The following NKAIN3 variants were observed in gnomAD, a reference collection of about 807,000 sequenced individuals.
NKAIN3 encodes the protein sodium/potassium-transporting ATPase subunit beta-1-interacting protein 3.
Under a neutral mutation model 30.2 loss-of-function variants are expected in NKAIN3, and 25 were observed. That is an observed-to-expected ratio of 0.83 (90% CI 0.60 to 1.16). The LOEUF (loss-of-function observed/expected upper bound fraction) is 1.16. NKAIN3 is among the 50% of genes most tolerant of loss of function. The pLI is 0.00. For synonymous variants in NKAIN3, 91 were observed against 89.6 expected, an observed-to-expected ratio of 1.02 and a Z score of -0.09; for missense variants, 225 against 254.1, an observed-to-expected ratio of 0.89 and a Z score of 0.78.
At chr8:62,948,220 CAG>C (rs1223083932) in intron 5 of NKAIN3, among the ~76,000 whole-genome samples, 2 of 150,344 alleles carry the variant, frequency 1.3e-5, no homozygotes, top group African/African-American at 2.5e-5. Flanking sequence ...TTTTTTGAGA[CAG>C]AGTCTCTCAC....
chr8:62,626,865 T>A (rs1371851072), intron 3 of NKAIN3, among the ~76,000 whole-genome samples: 1 of 152,116 alleles, frequency 6.6e-6, no homozygotes, highest in Admixed American at 6.6e-5. Flanking sequence ...CACTGTTGCC[T>A]CTATGTTGCC....
At chr8:62,763,267 A>G (rs35299217) in intron 4 of NKAIN3, among the ~76,000 whole-genome samples, 5 of 143,196 alleles carry the variant, frequency 3.5e-5, no homozygotes, top group African/African-American at 1.0e-4. Flanking sequence ...AAAAACTTAT[A>G]TAGTCAGCCT....
intron 2 of NKAIN3, among the ~76,000 whole-genome samples, chr8:62,586,237 C>A (rs1810468732): frequency 6.6e-6 from 1 of 152,112 alleles, no homozygotes; most frequent in African/African-American, 2.4e-5. Context: ...AGTCACTGCT[C>A]AACATGAAAT....
rs1393362905 is a variant in NKAIN3, at chr8:62,974,237, C to G, written c.*8830C>G. Among the ~76,000 whole-genome samples, 1 of 152,098 alleles carries G rather than the reference C, an allele frequency of 6.6e-6. No homozygotes were observed. The highest frequency in any genetic ancestry group is 1.5e-5 in the Non-Finnish European group (1 of 68,004). On this transcript the variant is annotated 3_prime_UTR_variant, in exon 7 of 7. Transcript: ENST00000623646. Reference sequence around the variant, plus strand: ...TAGTTTGATGGGAATAGCATTGAATCTATAAATTACTTTGGGCAGTATGGC... The same window carrying G: ...TAGTTTGATGGGAATAGCATTGAATGTATAAATTACTTTGGGCAGTATGGC...
chr8:62,950,412 C>T (rs1048646612), intron 5 of NKAIN3, among the ~76,000 whole-genome samples: 3 of 152,138 alleles, frequency 2.0e-5, no homozygotes, highest in Non-Finnish European at 4.4e-5. Context: ...TGCTCTATCC[C>T]ATCCATGAAG....
intron 1 of NKAIN3, among the ~76,000 whole-genome samples, chr8:62,357,319 T>C (rs1380995146): frequency 3.3e-5 from 5 of 151,690 alleles, no homozygotes; most frequent in African/African-American, 1.2e-4. Context: ...CTTGGCAGGC[T>C]GAGGCAGGAG....
intron 1 of NKAIN3, among the ~76,000 whole-genome samples, chr8:62,306,574 GTGT>G (rs749978621): frequency 8.2e-5 from 11 of 134,380 alleles, no homozygotes; most frequent in African/African-American, 2.4e-4. Flanking sequence ...GTGTGTGTGT[GTGT>G]TGTGTGTGTG....
chr8:62,525,667 C>T (rs1345406137), intron 1 of NKAIN3, among the ~76,000 whole-genome samples: 2 of 152,048 alleles, frequency 1.3e-5, no homozygotes, highest in Non-Finnish European at 2.9e-5. Flanking sequence ...ATGGTTGCAC[C>T]CTTGGTTAAT....
At chr8:62,742,173 T>C (rs559395462) in intron 3 of NKAIN3, among the ~76,000 whole-genome samples, 1 of 152,106 alleles carries the variant, frequency 6.6e-6, no homozygotes, top group East Asian at 1.9e-4. Flanking sequence ...AAAAGACTAA[T>C]TCTTAAATAG....
At chr8:62,625,767 C>T (rs1373514355) in intron 3 of NKAIN3, among the ~76,000 whole-genome samples, 3 of 151,960 alleles carry the variant, frequency 2.0e-5, no homozygotes, top group African/African-American at 7.2e-5. Context: ...TGGAAATTGC[C>T]ATTTTCTCTT....
intron 1 of NKAIN3, among the ~76,000 whole-genome samples, chr8:62,378,168 C>T (rs571018317): frequency 6.6e-6 from 1 of 152,288 alleles, no homozygotes; most frequent in African/African-American, 2.4e-5. Flanking sequence ...GTAAAGGTCA[C>T]TCTTGCTATG....
At chr8:62,374,662 T>C (rs1401994280) in intron 1 of NKAIN3, among the ~76,000 whole-genome samples, 1 of 152,158 alleles carries the variant, frequency 6.6e-6, no homozygotes, top group Non-Finnish European at 1.5e-5. Flanking sequence ...TTAAAGAAAA[T>C]CTTGGCAAAT....
chr8:62,809,997 G>A (rs182325788), intron 4 of NKAIN3, among the ~76,000 whole-genome samples: 17 of 152,182 alleles, frequency 1.1e-4, no homozygotes, highest in African/African-American at 3.1e-4. Context: ...TTTAAGAATC[G>A]CATGGTTTAT....
intron 1 of NKAIN3, among the ~76,000 whole-genome samples, chr8:62,570,468 T>C (rs1030314215): frequency 1.3e-5 from 2 of 152,100 alleles, no homozygotes; most frequent in Non-Finnish European, 2.9e-5. Flanking sequence ...TTCCACGTGG[T>C]TGGGAGGCCT....
chr8:62,517,928 A>G (rs1192603832), intron 1 of NKAIN3, among the ~76,000 whole-genome samples: 3 of 151,864 alleles, frequency 2.0e-5, no homozygotes, highest in Admixed American at 6.6e-5. Context: ...ATCTGTATCT[A>G]TATATATATA....
intron 4 of NKAIN3, among the ~76,000 whole-genome samples, chr8:62,787,892 G>T (rs1188766597): frequency 6.6e-6 from 1 of 152,124 alleles, no homozygotes; most frequent in African/African-American, 2.4e-5. Flanking sequence ...GTATTCCATG[G>T]TGTATATGTG....
intron 1 of NKAIN3, among the ~76,000 whole-genome samples, chr8:62,254,983 A>G (rs893902258): frequency 6.6e-6 from 1 of 152,206 alleles, no homozygotes; most frequent in Admixed American, 6.5e-5. Context: ...TCTGACAGCA[A>G]ACTGCTGAGA....
intron 1 of NKAIN3, among the ~76,000 whole-genome samples, chr8:62,295,880 T>A (rs1813811843): frequency 6.6e-6 from 1 of 152,202 alleles, no homozygotes; most frequent in African/African-American, 2.4e-5. Flanking sequence ...GATATAGCAA[T>A]GAACAAGACA....
At chr8:62,267,002 C>A (rs545177885) in intron 1 of NKAIN3, among the ~76,000 whole-genome samples, 1 of 152,336 alleles carries the variant, frequency 6.6e-6, no homozygotes, top group South Asian at 2.1e-4. Context: ...TTGCTAAGAC[C>A]ACTGGCTTGC....
Sources: gnomAD v4.1 joint callset for allele counts (sites outside exome capture counted in the v4.1 genomes callset) on GRCh38, gnomAD v4.1.1 for gene constraint, MANE v1.5 for transcripts, NCBI Gene and HGNC (gene_info 2026-07-23, HGNC 2026-07-21) for gene names.